The following PRIM2 variants were observed in gnomAD, a reference collection of about 807,000 sequenced individuals.
PRIM2 encodes DNA primase subunit 2.
In PRIM2, 39 loss-of-function variants were observed where a neutral mutation model predicts 67.3. The observed-to-expected ratio is 0.58, with a 90% CI of 0.45 to 0.76. The LOEUF (loss-of-function observed/expected upper bound fraction) is 0.76, where lower values mean the gene tolerates loss of function less well. Ranked by LOEUF, PRIM2 falls within the 30% of genes least tolerant of loss-of-function variation. The probability of loss-of-function intolerance (pLI) is 0.00; values close to 1 mark genes in which losing one functional copy is unlikely to be tolerated. For missense variants in PRIM2, 398 were observed against 598.7 expected, an observed-to-expected ratio of 0.66 and a Z score of 3.50; for synonymous variants, 143 against 198.7, an observed-to-expected ratio of 0.72 and a Z score of 2.36.
upstream of PRIM2, among the ~76,000 whole-genome samples, chr6:57,312,943 AT>A (rs879645787): frequency 4.7e-4 from 72 of 152,090 alleles, no homozygotes; most frequent in Admixed American, 7.9e-4. Flanking sequence ...AGAATTGTCT[AT>A]TTTTTTCTTC....
intron 7 of PRIM2, among the ~76,000 whole-genome samples, chr6:57,494,160 G>T (rs1773954799): frequency 6.6e-6 from 1 of 152,152 alleles, no homozygotes; most frequent in South Asian, 2.1e-4. Context: ...CTTTGAGTAG[G>T]ATAGGGCAGG....
At chr6:57,249,696 C>T in the PRIM2 span, among the ~76,000 whole-genome samples, 1 of 152,150 alleles carries the variant, frequency 6.6e-6, no homozygotes, top group Middle Eastern at 3.2e-3. Context: ...GAGCTGAGAC[C>T]ATGCCATTGC....
chr6:57,240,816 C>T, the PRIM2 span, among the ~76,000 whole-genome samples: 2 of 152,102 alleles, frequency 1.3e-5, no homozygotes, highest in Non-Finnish European at 2.9e-5. Context: ...AAGCTGCGCA[C>T]AGTGGCTCAC....
chr6:57,394,042 C>G (rs1770443485), intron 7 of PRIM2, among the ~76,000 whole-genome samples: 1 of 152,120 alleles, frequency 6.6e-6, no homozygotes, highest in Non-Finnish European at 1.5e-5. Flanking sequence ...TATACCAGTA[C>G]CATGCTGTTT....
At chr6:57,370,279 C>T (rs7757159) in intron 5 of PRIM2, among the ~76,000 whole-genome samples, 3,900 of 152,028 alleles carry the variant, frequency 0.026, 158 homozygotes, top group African/African-American at 0.089. Context: ...TTTAGGAGAA[C>T]CTAAATAAAT....
chr6:57,289,849 A>G, the PRIM2 span, among the ~76,000 whole-genome samples: 1 of 152,176 alleles, frequency 6.6e-6, no homozygotes, highest in Non-Finnish European at 1.5e-5. Context: ...CACTACAAAA[A>G]CATGCCAAAT....
At chr6:57,492,848 G>T (rs1773928947) in intron 7 of PRIM2, among the ~76,000 whole-genome samples, 1 of 152,130 alleles carries the variant, frequency 6.6e-6, no homozygotes, top group African/African-American at 2.4e-5. Flanking sequence ...AGCAACTTAA[G>T]AACTGCCTTT....
chr6:57,230,850 C>T, the PRIM2 span, among the ~76,000 whole-genome samples: 13 of 152,190 alleles, frequency 8.5e-5, no homozygotes, highest in Admixed American at 2.0e-4. Flanking sequence ...ACCTCAACTC[C>T]CAGGGTTATG....
At chr6:57,225,937 A>G in the PRIM2 span, among the ~76,000 whole-genome samples, 1 of 152,208 alleles carries the variant, frequency 6.6e-6, no homozygotes, top group African/African-American at 2.4e-5. Context: ...TTTTTCTAGT[A>G]CTTTCTAGGC....
intron 12 of PRIM2, among the ~76,000 whole-genome samples, chr6:57,614,577 G>A (rs1253254031): frequency 6.6e-6 from 1 of 152,140 alleles, no homozygotes; most frequent in Non-Finnish European, 1.5e-5. Context: ...TTGGCTGGGT[G>A]TGGTGGCTCA....
intron 7 of PRIM2, among the ~76,000 whole-genome samples, chr6:57,467,694 T>C (rs1446868009): frequency 1.3e-5 from 2 of 152,214 alleles, no homozygotes; most frequent in African/African-American, 4.8e-5. Context: ...GAGGATAGCA[T>C]TGAATATATA....
chr6:57,639,351 CAA>C (rs1777183602), intron 13 of PRIM2, among the ~76,000 whole-genome samples: 1 of 151,822 alleles, frequency 6.6e-6, no homozygotes, highest in East Asian at 1.9e-4. Context: ...ACTAGAGAAG[CAA>C]GAGCACACAA....
At chr6:57,541,352 G>T (rs1477754048) in intron 10 of PRIM2, among the ~76,000 whole-genome samples, 1 of 152,092 alleles carries the variant, frequency 6.6e-6, no homozygotes, top group Admixed American at 6.5e-5. Flanking sequence ...GCCTCCCAAA[G>T]TGCTGGGATT....
chr6:57,616,207 T>C (rs1466460482), intron 12 of PRIM2, among the ~76,000 whole-genome samples: 1 of 152,256 alleles, frequency 6.6e-6, no homozygotes, highest in Non-Finnish European at 1.5e-5. Flanking sequence ...ATTTTTGGCC[T>C]GCTTATGCAA....
At chr6:57,236,180 C>T in the PRIM2 span, among the ~76,000 whole-genome samples, 3 of 152,250 alleles carry the variant, frequency 2.0e-5, no homozygotes, top group African/African-American at 4.8e-5. Flanking sequence ...GGTGAGTCCA[C>T]CTAATTCTGA....
chr6:57,509,296 A>G (rs1774311456), intron 8 of PRIM2, among the ~76,000 whole-genome samples: 3 of 152,054 alleles, frequency 2.0e-5, no homozygotes, highest in Non-Finnish European at 2.9e-5. Context: ...ATGTATAACA[A>G]CATTTATACA....
At chr6:57,459,411 G>T (rs1262516343) in intron 7 of PRIM2, among the ~76,000 whole-genome samples, 5 of 152,294 alleles carry the variant, frequency 3.3e-5, no homozygotes, top group African/African-American at 7.2e-5. Flanking sequence ...GATCTTATTA[G>T]GTGGACATTT....
chr6:57,374,371 G>A (rs62418002), intron 5 of PRIM2, among the ~76,000 whole-genome samples: 1 of 142,656 alleles, frequency 7.0e-6, no homozygotes. Flanking sequence ...TCGACTCACT[G>A]CAAGCTCCGC....
At chr6:57,300,693 T>G in the PRIM2 span, among the ~76,000 whole-genome samples, 1 of 152,164 alleles carries the variant, frequency 6.6e-6, no homozygotes, top group Non-Finnish European at 1.5e-5. Context: ...GGTTGCTATT[T>G]TCTCTACTAG....
Sources: allele counts gnomAD v4.1 joint callset (sites outside exome capture counted in the v4.1 genomes callset), GRCh38; gene constraint gnomAD v4.1.1; transcripts MANE v1.5; gene names NCBI Gene and HGNC (gene_info 2026-07-23, HGNC 2026-07-21).